ATG2B: variants seen among roughly 807,000 people sequenced by gnomAD.
The protein encoded by ATG2B is autophagy-related protein 2 homolog B.
In ATG2B, 121 loss-of-function variants were observed where a neutral mutation model predicts 241.3. The ratio of observed to expected loss-of-function variants is 0.50; its 90% CI spans 0.43 to 0.58. The LOEUF (loss-of-function observed/expected upper bound fraction) is 0.58, where lower values mean the gene tolerates loss of function less well. ATG2B is among the 20% of genes least tolerant of loss of function. ATG2B has a pLI of 0.00. For synonymous variants in ATG2B, 858 were observed against 876.6 expected (o/e 0.98, Z 0.37); for missense variants, 2,306 against 2,491.6 (o/e 0.93, Z 1.59).
chr14:96,306,878 A>G lies in ATG2B; in HGVS notation c.4342T>C (p.Cys1448Arg). The change falls in exon 30 of 42, where the codon TGT (cysteine) becomes CGT (arginine). Residue 1448 changes from cysteine to arginine, a missense_variant. Physicochemically the swap from Cys to Arg is radical, Grantham distance 180. Coordinates refer to ENST00000359933, the MANE Select transcript of ATG2B (RefSeq NM_018036.7). ...TCAGGAAACAGGAAGAGGTCTGAAC[A>G]ACATGGCTCCTGAATTTGAGATTTT... ...DEKSQIQEPC[C>R]SDLFLFPDES... is the part of the protein sequence containing the mutation. 4.3e-6 allele frequency: 7 copies of G among 1,613,996 alleles called. No individual in the cohort carries two copies. The highest frequency in any genetic ancestry group is 5.9e-6 in the Non-Finnish European group (7 of 1,179,984).
At chr14:96,331,147 ATT>A (rs1315125629) in intron 11 of ATG2B, among the ~76,000 whole-genome samples, 1 of 152,240 alleles carries the variant, frequency 6.6e-6, no homozygotes, top group Non-Finnish European at 1.5e-5. Flanking sequence ...GAAAACTCCT[ATT>A]ATCTAGATCT....
chr14:96,303,929 G>A (rs1277614505), intron 32 of ATG2B, among the ~76,000 whole-genome samples: 1 of 152,202 alleles, frequency 6.6e-6, no homozygotes, highest in African/African-American at 2.4e-5. Flanking sequence ...AGTTCCAAAA[G>A]GAGGCACAGA....
intron 1 of ATG2B, among the ~76,000 whole-genome samples, chr14:96,353,810 C>G (rs992982293): frequency 6.6e-6 from 1 of 151,766 alleles, no homozygotes; most frequent in African/African-American, 2.4e-5. Context: ...AAAAGACAAG[C>G]ATAAACTATA....
intron 37 of ATG2B, 27 bp from the exon 38 acceptor site, chr14:96,291,709 A>G: frequency 6.6e-7 from 1 of 1,512,554 alleles, no homozygotes; most frequent in Non-Finnish European, 9.1e-7. Flanking sequence ...GGCCAAATTA[A>G]CCTTACTGTA....
chr14:96,332,681 T>C, intron 8 of ATG2B, 26 bp from the exon 9 acceptor site: 1 of 1,512,636 alleles, frequency 6.6e-7, no homozygotes, highest in Non-Finnish European at 8.8e-7. Flanking sequence ...CTATGTCACT[T>C]GTATTATAAT....
At chr14:96,362,649 G>T (rs1888692296) in intron 1 of ATG2B, among the ~76,000 whole-genome samples, 166 bp downstream of exon 1, 1 of 152,230 alleles carries the variant, frequency 6.6e-6, no homozygotes, top group South Asian at 2.1e-4. Context: ...AAACTTGTTA[G>T]AAACAGATTA....
chr14:96,301,746 G>C (rs538633601), intron 34 of ATG2B, among the ~76,000 whole-genome samples: 12 of 152,310 alleles, frequency 7.9e-5, no homozygotes, highest in African/African-American at 2.9e-4. Flanking sequence ...TAGAGTACTT[G>C]AGGATTAGAG....
At chr14:96,300,432 G>T (rs1251981195) in intron 34 of ATG2B, among the ~76,000 whole-genome samples, 1 of 152,140 alleles carries the variant, frequency 6.6e-6, no homozygotes, top group African/African-American at 2.4e-5. Context: ...AGTCTGAGGC[G>T]GGAGGATAGT....
intron 37 of ATG2B, 48 bp from the exon 38 acceptor site, chr14:96,291,730 C>A: frequency 7.9e-7 from 1 of 1,272,650 alleles, no homozygotes; most frequent in Non-Finnish European, 1.1e-6. Flanking sequence ...AATTAAGAGA[C>A]TCAACATCTA....
chr14:96,308,761 T>C (rs1290878995), intron 29 of ATG2B, among the ~76,000 whole-genome samples: 1 of 152,148 alleles, frequency 6.6e-6, no homozygotes, highest in Non-Finnish European at 1.5e-5. Flanking sequence ...TTTCCCAATA[T>C]ATAGATATAG....
chr14:96,292,996 A>G (rs1886529745), intron 36 of ATG2B: 1 of 152,142 alleles, frequency 6.6e-6, no homozygotes, highest in African/African-American at 2.4e-5. Flanking sequence ...TTTAATTTGT[A>G]TTATTTTTAT....
At chr14:96,331,278 A>G (rs1348108133) in intron 11 of ATG2B, 98 bp downstream of exon 11, 3 of 1,153,284 alleles carry the variant, frequency 2.6e-6, no homozygotes, top group Non-Finnish European at 3.7e-6. Flanking sequence ...AAACAAATGC[A>G]GATAGGCAGA....
In ATG2B at chr14:96,302,150, T is replaced by C. The variant is rs375208534; in HGVS notation, c.5038-42A>G. On this transcript the variant is annotated intron_variant, in intron 33 of 41. Transcript: ENST00000359933. ...AGAATAACATTTTTCCCCAATAATA[T>C]GATGACCTTCTTCTCTTTAAAAATA... 2.4e-6 allele frequency: 3 copies of C among 1,225,248 alleles called. No individual in the cohort carries two copies. The African/African-American group carries it at 4.5e-5, about 18-fold the overall frequency. 75.9% of individuals were successfully genotyped at this position (1,225,248 alleles called of 1,614,324 possible). A position where few individuals can be genotyped will look rare whatever the true frequency, so the allele number is the denominator to read the frequency against.
intron 30 of ATG2B, 38 bp from the exon 31 acceptor site, chr14:96,305,853 T>C (rs775772183): frequency 6.6e-7 from 1 of 1,526,172 alleles, no homozygotes; most frequent in South Asian, 1.1e-5. Context: ...CTCTCTTTTC[T>C]AATTAGAAAC....
intron 1 of ATG2B, among the ~76,000 whole-genome samples, chr14:96,356,335 T>C (rs1258671743): frequency 6.6e-6 from 1 of 152,184 alleles, no homozygotes; most frequent in Non-Finnish European, 1.5e-5. Context: ...TTTACAAATA[T>C]GGCAATTGAG....
rs920355987 is a variant in ATG2B, at chr14:96,284,641, T to C, written c.*1114A>G. 1.4e-4 allele frequency: 21 copies of C among 152,216 alleles called. No homozygotes were observed. Among genetic ancestry groups the C allele is most frequent in the African/African-American group, 5.1e-4 (21 of 41,434 alleles). The allele number at this position is 152,216 out of a possible 1,614,324, so 9.4% of individuals were successfully genotyped here. A position where few individuals can be genotyped will look rare whatever the true frequency, so the allele number is the denominator to read the frequency against. On this transcript the variant is annotated 3_prime_UTR_variant, in exon 42 of 42. Transcript: ENST00000359933. ...ATGATTTACCTGATATTAACCAAAA[T>C]CGATTTTGAGAAAGTGTTCCCAATT...
Position 96,305,687 on chromosome 14 carries a change from C to T in ATG2B, c.4635G>A (p.Val1545=). 1 of 1,614,160 alleles carries T rather than the reference C, an allele frequency of 6.2e-7. No individual in the cohort carries two copies. The highest frequency in any genetic ancestry group is 1.1e-5 in the South Asian group (1 of 91,084). ...SKAPLHFPIP[V]IRYVVKEVSL... ...AGACCTCCTTCACCACATAGCGAATCACAGGAATGGGAAAGTGTAAGGGGG... is the reference window on the plus strand; with the variant it reads ...AGACCTCCTTCACCACATAGCGAATTACAGGAATGGGAAAGTGTAAGGGGG... Residue 1545 remains valine (V), a synonymous_variant, in exon 31 of 42, where the codon GTG becomes GTA. Coordinates refer to ENST00000359933, the MANE Select transcript of ATG2B (RefSeq NM_018036.7).
Position 96,337,378 on chromosome 14 carries a change from A to G in ATG2B, c.925-2877T>C, listed in dbSNP as rs371289545. Among the ~76,000 whole-genome samples, 298 of 152,326 alleles carry G rather than the reference A, an allele frequency of 2.0e-3. 13 individuals carry two copies. In the South Asian group the frequency reaches 0.041, roughly 21 times the overall value. On this transcript the variant is annotated intron_variant, in intron 6 of 41. Transcript: ENST00000359933. ...GTAAATGCAAGTTTCCTGGTTCTCC[A>G]TAAGACTGATCAATATGATTCCCTA...
At chr14:96,327,493 G>T (rs528882582) in intron 14 of ATG2B, among the ~76,000 whole-genome samples, 155 of 152,128 alleles carry the variant, frequency 1.0e-3, no homozygotes, top group Middle Eastern at 3.4e-3. Context: ...ATGTTCAATA[G>T]ATTATTTTCA....
Sources: allele counts gnomAD v4.1 joint callset (sites outside exome capture counted in the v4.1 genomes callset), GRCh38; gene constraint gnomAD v4.1.1; transcripts MANE v1.5; gene names NCBI Gene and HGNC (gene_info 2026-07-23, HGNC 2026-07-21).